IL16: variants seen among roughly 807,000 people sequenced by gnomAD.
IL16 encodes the protein pro-interleukin-16.
In IL16, 67 loss-of-function variants were observed where a neutral mutation model predicts 110.1. The ratio of observed to expected loss-of-function variants is 0.61; its 90% CI spans 0.50 to 0.75. The LOEUF (loss-of-function observed/expected upper bound fraction) is 0.75, where lower values mean the gene tolerates loss of function less well. Ranked by LOEUF, IL16 falls within the 30% of genes least tolerant of loss-of-function variation. The pLI, the probability that IL16 is intolerant of heterozygous loss-of-function variation, is 0.00. For missense variants in IL16, 1,545 were observed against 1,655.0 expected, an observed-to-expected ratio of 0.93 and a Z score of 1.15; for synonymous variants, 689 against 662.9, an observed-to-expected ratio of 1.04 and a Z score of -0.61.
intron 1 of IL16, among the ~76,000 whole-genome samples, chr15:81,209,378 G>T (rs569971153): frequency 2.0e-4 from 31 of 152,220 alleles, no homozygotes; most frequent in Admixed American, 2.0e-3. Flanking sequence ...AGGGATATGG[G>T]CTCGCAGGGG....
At chr15:81,231,324 GTCTC>G (rs532872365) in intron 2 of IL16, among the ~76,000 whole-genome samples, 1,229 of 47,104 alleles carry the variant, frequency 0.026, 21 homozygotes, top group African/African-American at 0.046. Flanking sequence ...AGGTCGGTCT[GTCTC>G]TCTCTCTCTC....
intron 1 of IL16, among the ~76,000 whole-genome samples, chr15:81,199,034 TATATATATA>T (rs1445996947): frequency 0.038 from 4,730 of 123,958 alleles, 270 homozygotes; most frequent in East Asian, 0.28. Context: ...AAAAAAAATA[TATATATATA>T]TATATATATA....
rs116231892 is a variant in IL16 at position 81,184,945 on chromosome 15, C to T, written c.40+2049C>T. Among the ~76,000 whole-genome samples, 504 of 152,252 alleles carry T rather than the reference C, an allele frequency of 3.3e-3. 6 individuals are homozygous for T. Among genetic ancestry groups the T allele is most frequent in the African/African-American group, 0.012 (488 of 41,550 alleles). Reference sequence around the variant, plus strand: ...GATGTGTCCTCAATAATAGTTGGGTCCTGTGGTCTCCACCATAGGTGCCTT... The same window carrying T: ...GATGTGTCCTCAATAATAGTTGGGTTCTGTGGTCTCCACCATAGGTGCCTT... On this transcript the variant is annotated intron_variant, in intron 1 of 18. Coordinates refer to the IL16 transcript ENST00000302987.
intron 1 of IL16, among the ~76,000 whole-genome samples, chr15:81,217,842 A>G (rs1247925668): frequency 6.6e-6 from 1 of 152,206 alleles, no homozygotes; most frequent in Non-Finnish European, 1.5e-5. Context: ...CTTGATGAAA[A>G]TGCTTCCAAA....
At chr15:81,221,492 C>G (rs1471575359) in intron 1 of IL16, among the ~76,000 whole-genome samples, 1 of 152,172 alleles carries the variant, frequency 6.6e-6, no homozygotes, top group African/African-American at 2.4e-5. Flanking sequence ...CATTAGGGAG[C>G]AATAGCTGGT....
intron 3 of IL16, among the ~76,000 whole-genome samples, chr15:81,263,970 C>A (rs563049879): frequency 2.5e-4 from 38 of 152,284 alleles, no homozygotes; most frequent in African/African-American, 9.1e-4. Context: ...AAATGACGAG[C>A]CACCTGCATC....
At chr15:81,223,048 A>T (rs749193659) in intron 1 of IL16, among the ~76,000 whole-genome samples, 11 of 152,160 alleles carry the variant, frequency 7.2e-5, no homozygotes, top group Non-Finnish European at 1.5e-4. Context: ...CTTAAAACGT[A>T]TGTATTCTTC....
At chr15:81,231,771 TGTATATGTTGTGA>T (rs1465040670) in intron 2 of IL16, among the ~76,000 whole-genome samples, 2 of 152,226 alleles carry the variant, frequency 1.3e-5, no homozygotes, top group African/African-American at 4.8e-5. Context: ...AATAAATTTT[TGTATATGTTGTGA>T]GTTAGCTGCT....
At position 81,305,922 on chromosome 15, in the gene IL16, T is replaced by G; in HGVS notation, c.3435T>G (p.Phe1145Leu). The change falls in exon 17 of 19, where the codon TTT becomes TTG. Residue 1145 changes from phenylalanine (F) to leucine (L), a missense_variant. Physicochemically the swap from Phe to Leu is conservative, Grantham distance 22. Around this residue, in one of 3 missense-constraint regions of IL16, gnomAD observed 356 missense variants for 399.3 expected, o/e 0.89. Transcript: ENST00000683961. ...ENKVITVHRV[F>L]PNGLASQEGT... is the part of the protein sequence containing the mutation. Reference sequence around the variant, plus strand: ...GGTTTGCTCAGGTTCACAGAGTGTTTCCAAATGGGCTGGCCTCCCAGGAAG... The same window carrying G: ...GGTTTGCTCAGGTTCACAGAGTGTTGCCAAATGGGCTGGCCTCCCAGGAAG... 1 of 1,614,198 alleles carries G rather than the reference T, an allele frequency of 6.2e-7. No individual in the cohort carries two copies. The highest frequency in any genetic ancestry group is 8.5e-7 in the Non-Finnish European group (1 of 1,180,010).
chr15:81,282,696 CTG>C lies in IL16; in HGVS notation c.1140_1141del (p.Gly381HisfsTer29). 13 of 1,614,196 alleles carry C rather than the reference CTG, an allele frequency of 8.1e-6. No homozygotes were observed. Among genetic ancestry groups the C allele is most frequent in the Non-Finnish European group, 1.1e-5 (13 of 1,180,036 alleles). On this transcript the variant is annotated frameshift_variant, in exon 9 of 19. Coordinates refer to ENST00000683961, the MANE Select transcript of IL16 (RefSeq NM_172217.5). LOFTEE classifies it high-confidence loss of function. ...AGCGTTCCCTACTTCCAATGCATCTCTGGCATTTTCGTCCACACGCTGTCACC... is the reference window on the plus strand; with the variant it reads ...AGCGTTCCCTACTTCCAATGCATCTCGCATTTTCGTCCACACGCTGTCACC...
chr15:81,296,250 A>G (rs1202045467), intron 12 of IL16, among the ~76,000 whole-genome samples: 1 of 152,184 alleles, frequency 6.6e-6, no homozygotes, highest in Admixed American at 6.5e-5. Flanking sequence ...GTGATAATCC[A>G]AACTCTTCAA....
rs184849184 is a variant in IL16, at chr15:81,205,299, C to T, written c.-102+8147C>T. Among the ~76,000 whole-genome samples, 96 of 128,106 alleles carry T rather than the reference C, an allele frequency of 7.5e-4. 1 individual carries two copies. The East Asian group carries it at 0.017, about 23-fold the overall frequency. The allele number at this position is 128,106 out of a possible 152,430, so 84.0% of individuals were successfully genotyped here. ...CCAGCCTAGATGACAGAGCAAGACT[C>T]CATCTCAAAAAAAAAAAAAAAATCT... On this transcript the variant is annotated intron_variant, in intron 1 of 18. Coordinates refer to ENST00000683961, the MANE Select transcript of IL16 (RefSeq NM_172217.5).
At position 81,303,008 on chromosome 15, in the gene IL16, C is replaced by T. The variant is rs1378372709; in HGVS notation, c.3319-541C>T. Among the ~76,000 whole-genome samples the T allele has an allele frequency of 5.7e-5, 7 of 123,500 alleles. No homozygotes were observed. The highest frequency in any genetic ancestry group is 2.2e-4 in the East Asian group (1 of 4,580). 81.0% of individuals were successfully genotyped at this position (123,500 alleles called of 152,430 possible). On this transcript the variant is annotated intron_variant, in intron 15 of 18. Coordinates refer to ENST00000683961, the MANE Select transcript of IL16 (RefSeq NM_172217.5). The surrounding 1 kb of genome is among the most constrained non-coding windows in gnomAD (Gnocchi z 4.1). The stretch of plus-strand genomic sequence containing the variant: ...AGTCCCCGTCTAGGCTAGGAAGTAC[C>T]GTAGTAATGTGTGTGTGTGTGTGTG...
At chr15:81,280,068 G>A (rs757399121) in intron 8 of IL16, among the ~76,000 whole-genome samples, 13 of 152,234 alleles carry the variant, frequency 8.5e-5, no homozygotes, top group Non-Finnish European at 1.6e-4. Context: ...TGGGCCAGGA[G>A]TGGTAGCTCT....
Position 81,303,739 on chromosome 15 carries a change from G to A in IL16, c.3420+89G>A, listed in dbSNP as rs1209054461. Reference sequence around the variant, plus strand: ...ACTTGCCAGGAAGGGGCCCTGTGCTGGGGAAATGAAGAATGCATGACACTA... The same window carrying A: ...ACTTGCCAGGAAGGGGCCCTGTGCTAGGGAAATGAAGAATGCATGACACTA... On this transcript the variant is annotated intron_variant, in intron 16 of 18. Coordinates refer to ENST00000683961, the MANE Select transcript of IL16 (RefSeq NM_172217.5). The surrounding 1 kb of genome is among the most constrained non-coding windows in gnomAD (Gnocchi z 4.1). The A allele has an allele frequency of 2.3e-6, 2 of 869,334 alleles. No individual in the cohort carries two copies. Among genetic ancestry groups the A allele is most frequent in the Non-Finnish European group, 3.9e-6 (2 of 518,922 alleles). 53.9% of individuals were successfully genotyped at this position (869,334 alleles called of 1,614,324 possible). A position where few individuals can be genotyped will look rare whatever the true frequency, so the allele number is the denominator to read the frequency against.
chr15:81,303,299 C>A lies in IL16; in HGVS notation c.3319-250C>A. 8 of 435,524 alleles carry A rather than the reference C, an allele frequency of 1.8e-5. No individual in the cohort carries two copies. In the South Asian group the frequency reaches 2.2e-4, roughly 12 times the overall value. 27.0% of individuals were successfully genotyped at this position (435,524 alleles called of 1,614,324 possible). On this transcript the variant is annotated intron_variant, in intron 15 of 18. Transcript: ENST00000683961. This position sits in a 1 kb window ranked among gnomAD's most constrained non-coding sequence, Gnocchi z 4.1. ...GGCACTCCCCCTGCCCGGCTGTGGA[C>A]AGGGTGAATGAGAGAGGAAAATAAT... is the stretch of plus-strand genomic sequence containing the variant.
chr15:81,296,170 T>A (rs1899973868), intron 12 of IL16, among the ~76,000 whole-genome samples: 1 of 152,232 alleles, frequency 6.6e-6, no homozygotes, highest in South Asian at 2.1e-4. Flanking sequence ...CTAGGAAGCC[T>A]TCTCCACCTC....
At chr15:81,241,023 C>T (rs777939188) in intron 2 of IL16, among the ~76,000 whole-genome samples, 5 of 151,934 alleles carry the variant, frequency 3.3e-5, no homozygotes, top group Non-Finnish European at 5.9e-5. Flanking sequence ...ATACAGTTAG[C>T]CCATTGTTCC....
At chr15:81,215,565 C>T (rs975184599) in intron 1 of IL16, among the ~76,000 whole-genome samples, 26 of 152,254 alleles carry the variant, frequency 1.7e-4, no homozygotes, top group African/African-American at 6.0e-4. Context: ...TGCTCATGAG[C>T]CTTGGGGAGA....
Sources: allele counts gnomAD v4.1 joint callset (sites outside exome capture counted in the v4.1 genomes callset), GRCh38; gene constraint gnomAD v4.1.1; regional missense constraint gnomAD v4.1.1; non-coding constraint Gnocchi (gnomAD v3.1); transcripts MANE v1.5; gene names NCBI Gene and HGNC (gene_info 2026-07-23, HGNC 2026-07-21).